The following CALD1 variants were observed in gnomAD, a reference collection of about 807,000 sequenced individuals.
The protein encoded by CALD1 is caldesmon 1.
In CALD1, 33 loss-of-function variants were observed where a neutral mutation model predicts 99.9. That is an observed-to-expected ratio of 0.33 (90% confidence interval 0.25 to 0.44). The LOEUF is 0.44. Ranked by LOEUF, CALD1 falls within the 20% of genes least tolerant of loss-of-function variation. CALD1 has a pLI of 1.00. For synonymous variants in CALD1, 310 were observed against 325.0 expected (o/e 0.95, Z 0.50); for missense variants, 861 against 962.1 (o/e 0.89, Z 1.39).
At chr7:134,795,927 G>C (rs768044972) in intron 1 of CALD1, among the ~76,000 whole-genome samples, 44 of 152,224 alleles carry the variant, frequency 2.9e-4, no homozygotes, top group Non-Finnish European at 5.3e-4. Context: ...TGACCCACCT[G>C]TGTCTGAGTA....
chr7:134,812,698 A>AG lies in CALD1; in HGVS notation c.-129-31185dup, dbSNP rs1418580422. On this transcript the variant is annotated intron_variant, in intron 1 of 14. Transcript: ENST00000361675. The stretch of plus-strand genomic sequence containing the variant: ...AGGAGGAACTATGGGAGTGCAAGTC[A>AG]GTAGTTCAGCTTTGAACATTTTATA... 2.6e-5 allele frequency among the ~76,000 whole-genome samples: 4 copies of AG among 152,344 alleles called. No individual in the cohort carries two copies. In the South Asian group the frequency reaches 8.3e-4, roughly 32 times the overall value.
chr7:134,757,991 T>G (rs745571250), intron 1 of CALD1, among the ~76,000 whole-genome samples: 24 of 152,242 alleles, frequency 1.6e-4, no homozygotes, highest in Non-Finnish European at 3.1e-4. Context: ...GGCATCTATT[T>G]GATGACAATG....
intron 1 of CALD1, among the ~76,000 whole-genome samples, chr7:134,746,227 A>G (rs13228468): frequency 0.64 from 96,566 of 151,956 alleles, 31,164 homozygotes; most frequent in East Asian, 0.89. Flanking sequence ...CATAAGGGCC[A>G]ATTCCCTCAT....
intron 7 of CALD1, 137 bp downstream of exon 7, chr7:134,941,374 C>A: frequency 1.5e-6 from 1 of 673,232 alleles, no homozygotes; most frequent in Non-Finnish European, 2.5e-6. Flanking sequence ...GGTCATTAGC[C>A]ATTGTCTTAG....
intron 1 of CALD1, among the ~76,000 whole-genome samples, chr7:134,759,619 G>A (rs1585900746): frequency 6.6e-6 from 1 of 152,206 alleles, no homozygotes; most frequent in African/African-American, 2.4e-5. Flanking sequence ...CGCGAGGGAT[G>A]TCCAAGATGC....
At position 134,867,761 on chromosome 7, in the gene CALD1, C is replaced by G; in HGVS notation, c.28C>G (p.Leu10Val). The G allele has an allele frequency of 6.2e-7, 1 of 1,610,646 alleles. No homozygotes were observed. Among genetic ancestry groups the G allele is most frequent in the Non-Finnish European group, 8.5e-7 (1 of 1,177,924 alleles). The change falls in exon 3 of 15, where the codon CTT (leucine) becomes GTT (valine). Residue 10 changes from leucine (L) to valine (V), a missense_variant. Leu to Val is a conservative substitution (Grantham distance 32, BLOSUM62 1). Around this residue, in one of 5 missense-constraint regions of CALD1, gnomAD observed 123 missense variants for 169.8 expected, o/e 0.72. Transcript: ENST00000361675. ...GGATGATTTTGAGCGTCGCAGAGAA[C>G]TTAGAAGGCAAAAGAGGGAGGAGAT... MDDFERRRE[L>V]RRQKREEMRL...
chr7:134,845,071 G>A (rs1273675011), intron 2 of CALD1, among the ~76,000 whole-genome samples: 2 of 151,998 alleles, frequency 1.3e-5, no homozygotes, highest in East Asian at 3.9e-4. Context: ...TTGCACGTGG[G>A]CTTCCCTCTG....
chr7:134,929,490 G>A (rs1805324608), intron 4 of CALD1, among the ~76,000 whole-genome samples: 1 of 149,876 alleles, frequency 6.7e-6, no homozygotes, highest in African/African-American at 2.5e-5. Flanking sequence ...GAGAACATTT[G>A]ATATTTGGTT....
At chr7:134,869,664 T>G (rs978804356) in intron 3 of CALD1, among the ~76,000 whole-genome samples, 6 of 152,202 alleles carry the variant, frequency 3.9e-5, no homozygotes, top group African/African-American at 1.4e-4. Context: ...GAGCAGTGTT[T>G]AATTTCAGGT....
chr7:134,843,678 T>A (rs1435541553), intron 1 of CALD1, among the ~76,000 whole-genome samples: 1 of 152,216 alleles, frequency 6.6e-6, no homozygotes, highest in Non-Finnish European at 1.5e-5. Context: ...GAATAATTTA[T>A]TCAGAATAAA....
At chr7:134,801,568 A>C (rs1424751560) in intron 1 of CALD1, among the ~76,000 whole-genome samples, 1 of 152,098 alleles carries the variant, frequency 6.6e-6, no homozygotes, top group Non-Finnish European at 1.5e-5. Flanking sequence ...CGTTTAGCTG[A>C]GTATAGAATA....
chr7:134,809,833 T>G (rs1798288549), intron 1 of CALD1, among the ~76,000 whole-genome samples: 1 of 152,178 alleles, frequency 6.6e-6, no homozygotes, highest in Non-Finnish European at 1.5e-5. Flanking sequence ...AACATTCAGC[T>G]TTGTATTGCA....
At chr7:134,963,867 C>A (rs1432677170) in intron 13 of CALD1, among the ~76,000 whole-genome samples, 3 of 152,162 alleles carry the variant, frequency 2.0e-5, no homozygotes. Context: ...CCTCGGGAGA[C>A]ACATAATGAT....
chr7:134,807,383 G>A (rs184464876), intron 1 of CALD1, among the ~76,000 whole-genome samples: 3 of 152,096 alleles, frequency 2.0e-5, no homozygotes, highest in Non-Finnish European at 4.4e-5. Flanking sequence ...ACTGTTCTGT[G>A]TCAAACTTCC....
chr7:134,899,137 G>GT (rs1421473368), intron 3 of CALD1, among the ~76,000 whole-genome samples: 4 of 151,192 alleles, frequency 2.6e-5, no homozygotes, highest in African/African-American at 9.7e-5. Flanking sequence ...TTTTCCTTTT[G>GT]TAACTATCCT....
chr7:134,719,061 T>A, the CALD1 span, among the ~76,000 whole-genome samples: 4 of 152,346 alleles, frequency 2.6e-5, no homozygotes, highest in South Asian at 8.3e-4. Context: ...GGACATTATT[T>A]TCCCCAATAT....
intron 3 of CALD1, among the ~76,000 whole-genome samples, chr7:134,900,529 C>T (rs1802914452): frequency 6.6e-6 from 1 of 152,118 alleles, no homozygotes; most frequent in African/African-American, 2.4e-5. Flanking sequence ...AGTCTCAACG[C>T]CCCTCCTGCT....
intron 13 of CALD1, among the ~76,000 whole-genome samples, chr7:134,964,886 A>T (rs1808553691): frequency 6.6e-6 from 1 of 152,170 alleles, no homozygotes. Context: ...GTTCCAGCCC[A>T]TTCTCATATC....
intron 3 of CALD1, chr7:134,920,807 G>T (rs1804561890): frequency 1.6e-6 from 1 of 631,604 alleles, no homozygotes; most frequent in Non-Finnish European, 2.5e-6. Context: ...TGGAATTTTA[G>T]GTGCAGAGTT....
Sources: allele counts gnomAD v4.1 joint callset (sites outside exome capture counted in the v4.1 genomes callset), GRCh38; gene constraint gnomAD v4.1.1; regional missense constraint gnomAD v4.1.1; transcripts MANE v1.5; gene names NCBI Gene and HGNC (gene_info 2026-07-23, HGNC 2026-07-21).